Variants in FBXO42 observed in about 807,000 individuals in gnomAD.
FBXO42 encodes the protein F-box only protein 42.
A neutral mutation model predicts 71.7 loss-of-function variants in FBXO42; 12 were observed. The observed-to-expected ratio is 0.17, with a 90% CI of 0.11 to 0.27. The LOEUF (loss-of-function observed/expected upper bound fraction) is 0.27. Ranked by LOEUF, FBXO42 falls within the 10% of genes least tolerant of loss-of-function variation. FBXO42 has a pLI of 1.00. For missense variants in FBXO42, 707 were observed against 911.9 expected (o/e 0.78, Z 2.89); for synonymous variants, 325 against 327.5 (o/e 0.99, Z 0.08).
chr1:16,259,813 T>A (rs933859817), intron 4 of FBXO42, among the ~76,000 whole-genome samples: 17 of 150,806 alleles, frequency 1.1e-4, no homozygotes, highest in Non-Finnish European at 1.5e-5. Flanking sequence ...AAAGAATATA[T>A]ACCTTTTAAG....
rs2081595843 is a variant in FBXO42 at position 16,251,866 on chromosome 1, T to C, written c.1039-81A>G. 7 of 1,501,122 alleles carry C rather than the reference T, an allele frequency of 4.7e-6. No individual in the cohort carries two copies. The highest frequency in any genetic ancestry group is 6.3e-6 in the Non-Finnish European group (7 of 1,115,360). The allele number at this position is 1,501,122 out of a possible 1,614,324, so 93.0% of individuals were successfully genotyped here. On this transcript the variant is annotated intron_variant, in intron 9 of 9. Transcript: ENST00000375592. The surrounding 1 kb of genome is among the most constrained non-coding windows in gnomAD (Gnocchi z 4.5). ...ACTGTCAAACATTTTATCATGAGCATCTGTCATGTGCCAGACATTTTGTAG... is the reference window on the plus strand; with the variant it reads ...ACTGTCAAACATTTTATCATGAGCACCTGTCATGTGCCAGACATTTTGTAG...
chr1:16,349,397 C>T (rs2082679544), intron 1 of FBXO42, among the ~76,000 whole-genome samples: 2 of 152,198 alleles, frequency 1.3e-5, no homozygotes, highest in African/African-American at 2.4e-5. Flanking sequence ...CCAAAACACC[C>T]GCCATATGGA....
At chr1:16,330,085 A>G (rs1191717560) in intron 1 of FBXO42, among the ~76,000 whole-genome samples, 2 of 152,222 alleles carry the variant, frequency 1.3e-5, no homozygotes, top group African/African-American at 2.4e-5. Flanking sequence ...TGAAGTTATT[A>G]TATTATTATC....
intron 4 of FBXO42, among the ~76,000 whole-genome samples, chr1:16,277,711 G>A (rs369236314): frequency 7.1e-6 from 1 of 141,164 alleles, no homozygotes; most frequent in Non-Finnish European, 1.5e-5. Context: ...GTGACAGAGC[G>A]AGATTCTGTC....
intron 1 of FBXO42, among the ~76,000 whole-genome samples, chr1:16,348,600 C>T (rs1370424835): frequency 6.6e-6 from 1 of 152,074 alleles, no homozygotes; most frequent in African/African-American, 2.4e-5. Context: ...ACTCGGGAGG[C>T]TGAGGCAGGA....
At chr1:16,330,411 G>A (rs1323579496) in intron 1 of FBXO42, among the ~76,000 whole-genome samples, 3 of 151,992 alleles carry the variant, frequency 2.0e-5, no homozygotes, top group African/African-American at 7.2e-5. Flanking sequence ...GGGGGCTGGG[G>A]TGGAAGGATG....
At position 16,249,287 on chromosome 1, in the gene FBXO42, C is replaced by T. The variant is rs2081566582; in HGVS notation, c.*1383G>A. The T allele has an allele frequency of 6.6e-6, 1 of 152,124 alleles. No individual in the cohort carries two copies. Among genetic ancestry groups the T allele is most frequent in the Admixed American group, 6.5e-5 (1 of 15,284 alleles). 9.4% of individuals were successfully genotyped at this position (152,124 alleles called of 1,614,324 possible). ...AAAGAAATGCTCTACTTGGTTACACCTTAATCTCAGAAATGAAGTGAAAGT... is the reference window on the plus strand; with the variant it reads ...AAAGAAATGCTCTACTTGGTTACACTTTAATCTCAGAAATGAAGTGAAAGT... On this transcript the variant is annotated 3_prime_UTR_variant, in exon 10 of 10. Coordinates refer to ENST00000375592, the MANE Select transcript of FBXO42 (RefSeq NM_018994.3).
intron 2 of FBXO42, 54 bp from the exon 3 acceptor site, chr1:16,305,973 T>C (rs1569893383): frequency 8.3e-7 from 1 of 1,208,300 alleles, no homozygotes; most frequent in East Asian, 2.3e-5. Flanking sequence ...ATCCATCAAA[T>C]TATTAAAACT....
chr1:16,320,410 T>C (rs963072436), intron 1 of FBXO42, among the ~76,000 whole-genome samples: 5 of 144,178 alleles, frequency 3.5e-5, no homozygotes, highest in African/African-American at 1.3e-4. Flanking sequence ...CTGGAAAAAA[T>C]ATCACTTCCC....
intron 1 of FBXO42, among the ~76,000 whole-genome samples, chr1:16,322,725 A>G (rs991389680): frequency 6.6e-6 from 1 of 152,250 alleles, no homozygotes; most frequent in Non-Finnish European, 1.5e-5. Context: ...CACTGTTTCT[A>G]GCTTTAATGC....
intron 1 of FBXO42, among the ~76,000 whole-genome samples, chr1:16,325,832 G>C (rs1327243037): frequency 2.0e-5 from 3 of 151,950 alleles, no homozygotes; most frequent in Non-Finnish European, 4.4e-5. Flanking sequence ...CACCATGCTG[G>C]CCAGGGTGGT....
intron 1 of FBXO42, among the ~76,000 whole-genome samples, chr1:16,333,260 T>A (rs1394724401): frequency 6.6e-6 from 1 of 152,198 alleles, no homozygotes; most frequent in African/African-American, 2.4e-5. Flanking sequence ...AGAGATAGTT[T>A]CTACTTTTCA....
intron 1 of FBXO42, among the ~76,000 whole-genome samples, chr1:16,341,972 C>CAA (rs56035222): frequency 9.0e-5 from 9 of 99,898 alleles, no homozygotes; most frequent in African/African-American, 2.0e-4. Flanking sequence ...ATTCCGTCTC[C>CAA]AAAAAAAAAA....
chr1:16,305,724 A>G, intron 3 of FBXO42, 79 bp downstream of exon 3: 1 of 1,267,182 alleles, frequency 7.9e-7, no homozygotes, highest in Admixed American at 1.7e-5. Flanking sequence ...AAAAACAAAC[A>G]AAAAAACATG....
At chr1:16,257,457 G>A (rs1432075658) in intron 4 of FBXO42, among the ~76,000 whole-genome samples, 1 of 152,068 alleles carries the variant, frequency 6.6e-6, no homozygotes, top group Non-Finnish European at 1.5e-5. Flanking sequence ...CATCTAGACT[G>A]GACCTCTGGG....
At chr1:16,306,252 C>T (rs1224754587) in intron 2 of FBXO42, among the ~76,000 whole-genome samples, 1 of 152,022 alleles carries the variant, frequency 6.6e-6, no homozygotes, top group Admixed American at 6.6e-5. Flanking sequence ...CTCCTGACCT[C>T]GTGATCCACC....
chr1:16,306,853 C>T (rs986480061), intron 2 of FBXO42, among the ~76,000 whole-genome samples: 2 of 152,150 alleles, frequency 1.3e-5, no homozygotes, highest in Non-Finnish European at 2.9e-5. Context: ...CAAACACCAC[C>T]ATGCCTGGCT....
In FBXO42 at chr1:16,270,708, A is replaced by AAAAAAAAG. The variant is rs1553150226; in HGVS notation, c.503-13950_503-13949insCTTTTTTT. 1.2e-4 allele frequency among the ~76,000 whole-genome samples: 10 copies of AAAAAAAAG among 85,132 alleles called. 1 individual carries two copies. The highest frequency in any genetic ancestry group is 1.4e-4 in the Admixed American group (1 of 7,224). 55.8% of individuals were successfully genotyped at this position (85,132 alleles called of 152,430 possible). Reference sequence around the variant, plus strand: ...AAAAAAAAAAAAAAGAAAAGAAAAGAAAGAAGAAAAGATAAATTCCAAATC... The same window carrying AAAAAAAAG: ...AAAAAAAAAAAAAAGAAAAGAAAAGAAAAAAAAGAAGAAGAAAAGATAAATTCCAAATC... On this transcript the variant is annotated intron_variant, in intron 4 of 9. Coordinates refer to ENST00000375592, the MANE Select transcript of FBXO42 (RefSeq NM_018994.3).
chr1:16,350,822 T>A (rs2082697306), intron 1 of FBXO42, among the ~76,000 whole-genome samples: 1 of 146,056 alleles, frequency 6.8e-6, no homozygotes, highest in Non-Finnish European at 1.5e-5. Flanking sequence ...CCTAAACAGT[T>A]GTCATTTTAA....
Sources: allele counts gnomAD v4.1 joint callset (sites outside exome capture counted in the v4.1 genomes callset), GRCh38; gene constraint gnomAD v4.1.1; non-coding constraint Gnocchi (gnomAD v3.1); transcripts MANE v1.5; gene names NCBI Gene and HGNC (gene_info 2026-07-23, HGNC 2026-07-21).